RBMS2: variants seen among roughly 807,000 people sequenced by gnomAD.
The protein encoded by RBMS2 is RNA-binding motif, single-stranded-interacting protein 2.
RBMS2 carries 38 observed loss-of-function variants against 58.4 expected under a neutral mutation model. That is an observed-to-expected ratio of 0.65 (90% CI 0.50 to 0.85). The LOEUF is 0.85. RBMS2 is among the 40% of genes least tolerant of loss of function. The probability of loss-of-function intolerance (pLI) is 0.00; values close to 1 mark genes in which losing one functional copy is unlikely to be tolerated. For missense variants in RBMS2, 367 were observed against 503.7 expected (o/e 0.73, Z 2.60); for synonymous variants, 151 against 180.7 (o/e 0.84, Z 1.32).
chr12:56,553,453 C>G (rs1351758020), intron 1 of RBMS2, among the ~76,000 whole-genome samples: 1 of 152,006 alleles, frequency 6.6e-6, no homozygotes, highest in Non-Finnish European at 1.5e-5. Context: ...CTTAGCCTCC[C>G]CAGTACTAAG....
chr12:56,588,541 A>G, intron 12 of RBMS2, 167 bp downstream of exon 12: 1 of 654,602 alleles, frequency 1.5e-6, no homozygotes, highest in Admixed American at 2.7e-5. Context: ...CAGCATGCAT[A>G]CTAAAATTGG....
At chr12:56,573,243 G>A in intron 5 of RBMS2, 1 of 904,080 alleles carries the variant, frequency 1.1e-6, no homozygotes. Context: ...TTGGGAGGCT[G>A]AGGCGGGTGG....
intron 2 of RBMS2, among the ~76,000 whole-genome samples, chr12:56,566,239 A>G (rs926345020): frequency 6.6e-6 from 1 of 152,098 alleles, no homozygotes; most frequent in African/African-American, 2.4e-5. Flanking sequence ...CAATCATCAT[A>G]TGTTCTTTAG....
intron 1 of RBMS2, among the ~76,000 whole-genome samples, chr12:56,553,886 A>T (rs545449435): frequency 1.3e-5 from 2 of 149,336 alleles, no homozygotes; most frequent in Non-Finnish European, 3.0e-5. Context: ...GTGCAGTGAC[A>T]CGATCTCGGC....
At chr12:56,538,686 TG>T (rs1250667652) in intron 1 of RBMS2, among the ~76,000 whole-genome samples, 1 of 151,930 alleles carries the variant, frequency 6.6e-6, no homozygotes, top group Non-Finnish European at 1.5e-5. Context: ...TTCACCATCT[TG>T]GCCAGGCTGG....
chr12:56,537,212 A>G (rs1486321227), intron 1 of RBMS2, among the ~76,000 whole-genome samples: 2 of 152,066 alleles, frequency 1.3e-5, no homozygotes, highest in African/African-American at 4.8e-5. Flanking sequence ...TGAGGCGCCC[A>G]CCTTGCCTGG....
At chr12:56,571,582 T>A (rs1882300873) in intron 4 of RBMS2, 116 bp from the exon 5 acceptor site, 2 of 1,151,022 alleles carry the variant, frequency 1.7e-6, no homozygotes, top group Admixed American at 2.9e-5. Flanking sequence ...GAATAATCTT[T>A]GTTTATGTGG....
At chr12:56,589,055 CT>C in intron 13 of RBMS2, 37 bp downstream of exon 13, 2 of 1,613,712 alleles carry the variant, frequency 1.2e-6, no homozygotes, top group Non-Finnish European at 1.7e-6. Flanking sequence ...GAGGGCTGCA[CT>C]GGCAGACAGC....
intron 1 of RBMS2, among the ~76,000 whole-genome samples, chr12:56,547,891 A>T (rs1460808598): frequency 2.6e-5 from 4 of 151,392 alleles, no homozygotes; most frequent in Non-Finnish European, 5.9e-5. Flanking sequence ...ACCTCAGGTG[A>T]TCCACCCACC....
intron 1 of RBMS2, among the ~76,000 whole-genome samples, chr12:56,542,926 G>A (rs189805715): frequency 6.6e-6 from 1 of 151,318 alleles, no homozygotes; most frequent in Non-Finnish European, 1.5e-5. Flanking sequence ...TATTTATTGA[G>A]ATGAAGTCTC....
chr12:56,555,155 G>T (rs1245298842), intron 1 of RBMS2, among the ~76,000 whole-genome samples: 1 of 151,842 alleles, frequency 6.6e-6, no homozygotes, highest in African/African-American at 2.4e-5. Context: ...ACATCTTGAG[G>T]ACTACCTCTC....
In RBMS2 at chr12:56,593,022, T is replaced by G. The variant is rs1377333895; in HGVS notation, c.*3889T>G. 3 of 152,260 alleles carry G rather than the reference T, an allele frequency of 2.0e-5. No homozygotes were observed. Among genetic ancestry groups the G allele is most frequent in the Non-Finnish European group, 4.4e-5 (3 of 68,112 alleles). The allele number at this position is 152,260 out of a possible 1,614,324, so 9.4% of individuals were successfully genotyped here. On this transcript the variant is annotated 3_prime_UTR_variant, in exon 14 of 14. Coordinates refer to ENST00000262031, the MANE Select transcript of RBMS2 (RefSeq NM_002898.4). ...AGGGGTCTTACTATGTTGCCCAGACTGGTCTTGAACTCCTGTCAAGTGAGC... is the reference window on the plus strand; with the variant it reads ...AGGGGTCTTACTATGTTGCCCAGACGGGTCTTGAACTCCTGTCAAGTGAGC...
At position 56,592,337 on chromosome 12, in the gene RBMS2, T is replaced by C. The variant is rs765499222; in HGVS notation, c.*3204T>C. ...AACACACTAGAGTCCTTTCCTCAGA[T>C]GGCATAATCCTTTATAGGCTCTGAG... On this transcript the variant is annotated 3_prime_UTR_variant, in exon 14 of 14. Transcript: ENST00000262031. 5 of 152,172 alleles carry C rather than the reference T, an allele frequency of 3.3e-5. No homozygotes were observed. Among genetic ancestry groups the C allele is most frequent in the Admixed American group, 6.5e-5 (1 of 15,274 alleles). 9.4% of individuals were successfully genotyped at this position (152,172 alleles called of 1,614,324 possible).
chr12:56,547,657 T>C (rs867504954), intron 1 of RBMS2, among the ~76,000 whole-genome samples: 2 of 150,992 alleles, frequency 1.3e-5, no homozygotes, highest in South Asian at 2.1e-4. Context: ...CTTTTCTTTT[T>C]TTTTTTTTTT....
intron 2 of RBMS2, among the ~76,000 whole-genome samples, chr12:56,563,911 C>G (rs924145385): frequency 2.0e-5 from 3 of 152,048 alleles, no homozygotes; most frequent in Admixed American, 6.6e-5. Flanking sequence ...TGGGAATTAG[C>G]AGAAATGTTG....
intron 6 of RBMS2, 21 bp from the exon 7 acceptor site, chr12:56,581,378 A>G (rs183511999): frequency 1.2e-6 from 2 of 1,613,200 alleles, no homozygotes; most frequent in African/African-American, 2.7e-5. Context: ...TCAGCTGCCC[A>G]TCTGCCTTCT....
Position 56,539,015 on chromosome 12 carries a change from CTT to C in RBMS2, c.66+16943_66+16944del, listed in dbSNP as rs10605730. The stretch of plus-strand genomic sequence containing the variant: ...GTTAGTTATATAAAATTCAGAAATT[CTT>C]TTTTTTTTTTTTTTTTGAGACAGAG... On this transcript the variant is annotated intron_variant, in intron 1 of 13. Transcript: ENST00000262031. 7.0e-3 allele frequency among the ~76,000 whole-genome samples: 1,009 copies of C among 144,190 alleles called. 7 individuals are homozygous for C. The highest frequency in any genetic ancestry group is 0.024 in the African/African-American group (922 of 38,634). 94.6% of individuals were successfully genotyped at this position (144,190 alleles called of 152,430 possible).
At chr12:56,531,747 G>A (rs1965307) in intron 1 of RBMS2, among the ~76,000 whole-genome samples, 67,296 of 148,382 alleles carry the variant, frequency 0.45, 15,920 homozygotes, top group East Asian at 0.6. Context: ...GAACCTGGGA[G>A]ACAGAGGCTG....
chr12:56,532,464 C>T (rs901642317), intron 1 of RBMS2, among the ~76,000 whole-genome samples: 1 of 151,726 alleles, frequency 6.6e-6, no homozygotes, highest in Non-Finnish European at 1.5e-5. Context: ...ATTGCTTGAA[C>T]CTGGGAGATG....
Sources: gnomAD v4.1 joint callset for allele counts (sites outside exome capture counted in the v4.1 genomes callset) on GRCh38, gnomAD v4.1.1 for gene constraint, MANE v1.5 for transcripts, NCBI Gene and HGNC (gene_info 2026-07-23, HGNC 2026-07-21) for gene names.